The following C8orf34 variants were observed in gnomAD, a reference collection of about 807,000 sequenced individuals.
The protein encoded by C8orf34 is uncharacterized protein C8orf34.
In C8orf34, 65 loss-of-function variants were observed where a neutral mutation model predicts 68.3. That is an observed-to-expected ratio of 0.95 (90% CI 0.78 to 1.17). The LOEUF (loss-of-function observed/expected upper bound fraction) is 1.17. Ranked by LOEUF, C8orf34 falls within the 50% of genes most tolerant of loss-of-function variation. The probability of loss-of-function intolerance (pLI) is 0.00; values close to 1 mark genes in which losing one functional copy is unlikely to be tolerated. For missense variants in C8orf34, 664 were observed against 655.4 expected (o/e 1.01, Z -0.14); for synonymous variants, 244 against 241.2 (o/e 1.01, Z -0.11).
rs1316939234 is a variant in C8orf34, at chr8:68,332,442, GT to G, written c.327+1104del. Among the ~76,000 whole-genome samples the G allele has an allele frequency of 8.1e-5, 10 of 122,712 alleles. No individual in the cohort carries two copies. The East Asian group carries it at 2.5e-3, about 30-fold the overall frequency. 80.5% of individuals were successfully genotyped at this position (122,712 alleles called of 152,430 possible). On this transcript the variant is annotated intron_variant, in intron 1 of 13. Coordinates refer to ENST00000518698, the MANE Select transcript of C8orf34 (RefSeq NM_052958.4). ...GCTGTTCTTAACAGCTTGGTTTGGG[GT>G]GAGGGCTTGGTATGGGGAGGAGGTT...
chr8:68,523,009 C>T (rs1195356674), intron 6 of C8orf34, among the ~76,000 whole-genome samples: 1 of 152,128 alleles, frequency 6.6e-6, no homozygotes, highest in Non-Finnish European at 1.5e-5. Flanking sequence ...TGACTTATCA[C>T]TTGGCTGGAG....
intron 10 of C8orf34, among the ~76,000 whole-genome samples, chr8:68,741,127 G>A (rs113506479): frequency 0.082 from 12,500 of 152,068 alleles, 556 homozygotes; most frequent in Middle Eastern, 0.17. Context: ...AATGGGTACT[G>A]GGCTGAATAG....
chr8:68,743,272 G>GT lies in C8orf34; in HGVS notation c.1404+21842dup, dbSNP rs113179915. On this transcript the variant is annotated intron_variant, in intron 10 of 13. Coordinates refer to ENST00000518698, the MANE Select transcript of C8orf34 (RefSeq NM_052958.4). ...AATGGATAAGAAGGAGGAATAGCAT[G>GT]TTTTTTTATTTTTCATTTTCTCCTA... Among the ~76,000 whole-genome samples the GT allele has an allele frequency of 9.9e-5, 15 of 152,266 alleles. 1 individual carries two copies. The highest frequency in any genetic ancestry group is 2.4e-4 in the African/African-American group (10 of 41,552).
At chr8:68,591,408 G>T (rs572762672) in intron 7 of C8orf34, among the ~76,000 whole-genome samples, 1 of 152,102 alleles carries the variant, frequency 6.6e-6, no homozygotes, top group South Asian at 2.1e-4. Context: ...AGGTAACTGA[G>T]CCCCACCTCA....
chr8:68,647,031 G>T (rs1258481752), intron 8 of C8orf34, among the ~76,000 whole-genome samples: 1 of 152,086 alleles, frequency 6.6e-6, no homozygotes, highest in Non-Finnish European at 1.5e-5. Flanking sequence ...GAAAATATTT[G>T]TAAACCATAC....
Position 68,748,752 on chromosome 8 carries a change from A to C in C8orf34, c.1404+27315A>C, listed in dbSNP as rs372222419. Among the ~76,000 whole-genome samples the C allele has an allele frequency of 3.5e-3, 534 of 152,186 alleles. 5 individuals carry two copies. Among genetic ancestry groups the C allele is most frequent in the African/African-American group, 0.012 (511 of 41,506 alleles). ...TCAGGAAACAACAGGTGCTGGAGAG[A>C]ATGTGGAGAAATAGGAACACTTCTA... On this transcript the variant is annotated intron_variant, in intron 10 of 13. Coordinates refer to ENST00000518698, the MANE Select transcript of C8orf34 (RefSeq NM_052958.4).
At chr8:68,662,445 G>A (rs1015139065) in intron 8 of C8orf34, among the ~76,000 whole-genome samples, 1 of 152,168 alleles carries the variant, frequency 6.6e-6, no homozygotes, top group Non-Finnish European at 1.5e-5. Context: ...GTCAAGGGCA[G>A]GGCCAGGTGG....
intron 12 of C8orf34, among the ~76,000 whole-genome samples, chr8:68,793,580 C>T (rs1296176965): frequency 1.3e-5 from 2 of 152,120 alleles, no homozygotes; most frequent in African/African-American, 4.8e-5. Flanking sequence ...AACCAAACAC[C>T]AAGTGTTCTC....
chr8:68,643,496 G>C (rs1819074020), intron 8 of C8orf34, among the ~76,000 whole-genome samples: 1 of 152,124 alleles, frequency 6.6e-6, no homozygotes. Flanking sequence ...TCTTATAAAT[G>C]ACAAGTATTT....
At chr8:68,552,431 G>A (rs1205843197) in intron 7 of C8orf34, among the ~76,000 whole-genome samples, 1 of 151,956 alleles carries the variant, frequency 6.6e-6, no homozygotes, top group Admixed American at 6.6e-5. Flanking sequence ...TTAGTCCTAA[G>A]TGTTTTTTCC....
At chr8:68,452,502 A>G (rs1039549714) in intron 3 of C8orf34, among the ~76,000 whole-genome samples, 3 of 151,080 alleles carry the variant, frequency 2.0e-5, no homozygotes, top group African/African-American at 4.9e-5. Flanking sequence ...CTTGATTTGC[A>G]TTTCCCTAAA....
At chr8:68,353,927 T>C (rs1343780566) in intron 1 of C8orf34, among the ~76,000 whole-genome samples, 3 of 151,860 alleles carry the variant, frequency 2.0e-5, no homozygotes, top group African/African-American at 7.3e-5. Flanking sequence ...GATCTGTGGG[T>C]TTGATATTCA....
In C8orf34 at chr8:68,474,943, T is replaced by C. The variant is rs144254286; in HGVS notation, c.736+6123T>C. 1.0e-3 allele frequency among the ~76,000 whole-genome samples: 159 copies of C among 152,296 alleles called. 1 individual carries two copies. Among genetic ancestry groups the C allele is most frequent in the African/African-American group, 3.6e-3 (151 of 41,572 alleles). On this transcript the variant is annotated intron_variant, in intron 4 of 13. Coordinates refer to ENST00000518698, the MANE Select transcript of C8orf34 (RefSeq NM_052958.4). The stretch of plus-strand genomic sequence containing the variant: ...TCTGCCAATCAGCCTTCACTATAAG[T>C]GTAGTGGCTCTAAAGTGAAAGCCTG...
chr8:68,775,386 T>C (rs1418066676), intron 10 of C8orf34, among the ~76,000 whole-genome samples: 2 of 152,326 alleles, frequency 1.3e-5, no homozygotes, highest in East Asian at 3.9e-4. Context: ...TCATGGAGTA[T>C]AAAAGCATAA....
intron 8 of C8orf34, among the ~76,000 whole-genome samples, chr8:68,697,209 T>A (rs1353429817): frequency 6.6e-6 from 1 of 152,078 alleles, no homozygotes. Flanking sequence ...TATTTCCTTT[T>A]ATTTGCTGTA....
chr8:68,741,679 T>G (rs572413142), intron 10 of C8orf34, among the ~76,000 whole-genome samples: 2 of 152,238 alleles, frequency 1.3e-5, no homozygotes, highest in South Asian at 4.2e-4. Flanking sequence ...ATGGGTTCAG[T>G]TGTTTTAATT....
intron 5 of C8orf34, among the ~76,000 whole-genome samples, chr8:68,512,506 C>A (rs1814318890): frequency 6.6e-6 from 1 of 152,018 alleles, no homozygotes; most frequent in Admixed American, 6.6e-5. Flanking sequence ...ATTTAAAACA[C>A]CTGATATTAT....
At chr8:68,665,832 T>C (rs896380880) in intron 8 of C8orf34, among the ~76,000 whole-genome samples, 1 of 151,964 alleles carries the variant, frequency 6.6e-6, no homozygotes, top group African/African-American at 2.4e-5. Context: ...TATTATTGAT[T>C]TCACTCCATG....
At chr8:68,733,661 C>T (rs1822046852) in intron 10 of C8orf34, among the ~76,000 whole-genome samples, 1 of 152,056 alleles carries the variant, frequency 6.6e-6, no homozygotes, top group African/African-American at 2.4e-5. Flanking sequence ...TATTCATCAG[C>T]TTCTAGAGAT....
Sources: gnomAD v4.1 joint callset for allele counts (sites outside exome capture counted in the v4.1 genomes callset) on GRCh38, gnomAD v4.1.1 for gene constraint, MANE v1.5 for transcripts, NCBI Gene and HGNC (gene_info 2026-07-23, HGNC 2026-07-21) for gene names.